The following ANK2 variants were observed in gnomAD, a reference collection of about 807,000 sequenced individuals.
The protein encoded by ANK2 is ankyrin 2.
In ANK2, 83 loss-of-function variants were observed where a neutral mutation model predicts 360.5. That is an observed-to-expected ratio of 0.23 (90% CI 0.19 to 0.28). The LOEUF is 0.28. ANK2 is among the 10% of genes least tolerant of loss of function. ANK2 has a pLI of 1.00. For synonymous variants in ANK2, 1,740 were observed against 1,759.5 expected (o/e 0.99, Z 0.28); for missense variants, 4,201 against 4,795.7 (o/e 0.88, Z 3.66).
Position 113,355,967 on chromosome 4 carries a change from A to C in ANK2, c.7349A>C (p.Lys2450Thr). The change falls in exon 38 of 46, where the codon AAA becomes ACA. Residue 2450 changes from lysine to threonine, a missense_variant. Physicochemically the swap from Lys to Thr is moderately conservative, Grantham distance 78. Around this residue, in one of 4 missense-constraint regions of ANK2, gnomAD observed 2,642 missense variants for 2,714.5 expected, o/e 0.97. Transcript: ENST00000357077. ...SPVLEDNSSH[K>T]TPDSLEPSPL... ...GTGCTAGAAGATAACTCTTCACACA[A>C]AACCCCTGATTCTCTGGAGCCAAGT... The C allele has an allele frequency of 6.2e-7, 1 of 1,614,120 alleles. No homozygotes were observed. Among genetic ancestry groups the C allele is most frequent in the East Asian group, 2.2e-5 (1 of 44,866 alleles).
At position 112,963,691 on chromosome 4, in the gene ANK2, T is replaced by C. The variant is rs991643366; in HGVS notation, c.21+59177T>C. Among the ~76,000 whole-genome samples the C allele has an allele frequency of 3.9e-5, 6 of 152,078 alleles. No individual in the cohort carries two copies. In the South Asian group the frequency reaches 6.2e-4, roughly 16 times the overall value. ...AGCATTTGCTAAATTCTTACATAGT[T>C]CCTTCAGGGAAAAATATAGGTTATA... On this transcript the variant is annotated intron_variant, in intron 2 of 30. Coordinates refer to the ANK2 transcript ENST00000503271.
chr4:113,255,157 A>G (rs1192592181), intron 10 of ANK2, among the ~76,000 whole-genome samples: 1 of 152,142 alleles, frequency 6.6e-6, no homozygotes, highest in African/African-American at 2.4e-5. Flanking sequence ...CATGGCCTAC[A>G]TTTGCCTCAC....
At chr4:112,823,413 A>G (rs1236291514) in intron 1 of ANK2, among the ~76,000 whole-genome samples, 1 of 152,228 alleles carries the variant, frequency 6.6e-6, no homozygotes, top group African/African-American at 2.4e-5. Flanking sequence ...GACATCTTCA[A>G]GGAACCCTCT....
chr4:112,878,155 C>CATTCATCTATCTATCTATCT (rs2075665560), intron 1 of ANK2, among the ~76,000 whole-genome samples: 1 of 147,532 alleles, frequency 6.8e-6, no homozygotes, highest in African/African-American at 2.6e-5. Flanking sequence ...ACTTTAGACT[C>CATTCATCTATCTATCTATCT]ATCTATCTAT....
the ANK2 span, among the ~76,000 whole-genome samples, chr4:112,783,911 A>T: frequency 6.6e-6 from 1 of 151,622 alleles, no homozygotes; most frequent in Non-Finnish European, 1.5e-5. Context: ...AGCCTCCCAA[A>T]GTGTTGGGAT....
In ANK2 at chr4:113,193,922, G is replaced by A. The variant is rs142889074; in HGVS notation, c.187-2446G>A. Among the ~76,000 whole-genome samples, 546 of 152,238 alleles carry A rather than the reference G, an allele frequency of 3.6e-3. 5 individuals are homozygous for A. In the Middle Eastern group the frequency reaches 0.037, roughly 10 times the overall value. ...TAAGTTAGTTGTACTTTTCTGATAT[G>A]CAAAAGACAGACTGTGAAACTCTTC... On this transcript the variant is annotated intron_variant, in intron 2 of 45. Coordinates refer to ENST00000357077, the MANE Select transcript of ANK2 (RefSeq NM_001148.6).
At chr4:113,140,066 C>A (rs1348439518) in intron 1 of ANK2, among the ~76,000 whole-genome samples, 1 of 152,038 alleles carries the variant, frequency 6.6e-6, no homozygotes, top group African/African-American at 2.4e-5. Context: ...ATAAACAGGG[C>A]CAATTTGTAA....
chr4:113,052,080 A>G (rs2154326272), intron 1 of ANK2, among the ~76,000 whole-genome samples: 1 of 152,298 alleles, frequency 6.6e-6, no homozygotes, highest in South Asian at 2.1e-4. Flanking sequence ...TTTTATCTCA[A>G]AAAATCATTG....
Position 113,230,915 on chromosome 4 carries a change from AAAT to A in ANK2, c.385-1243_385-1241del, listed in dbSNP as rs574484771. 7.2e-4 allele frequency among the ~76,000 whole-genome samples: 110 copies of A among 152,336 alleles called. 1 individual carries two copies. The South Asian group carries it at 8.3e-3, about 11-fold the overall frequency. ...TAGCCACCAGTGGCTGTATTTTAGT[AAAT>A]AACTGTGTAAGTGAATGTGAGAATG... is the stretch of plus-strand genomic sequence containing the variant. On this transcript the variant is annotated intron_variant, in intron 4 of 45. Transcript: ENST00000357077.
At chr4:113,197,017 G>C (rs1287231307) in intron 3 of ANK2, among the ~76,000 whole-genome samples, 2 of 152,310 alleles carry the variant, frequency 1.3e-5, no homozygotes, top group Middle Eastern at 3.4e-3. Flanking sequence ...TCGATTCACA[G>C]AGGATGAGAT....
the ANK2 span, among the ~76,000 whole-genome samples, chr4:112,777,443 G>A: frequency 6.6e-6 from 1 of 151,814 alleles, no homozygotes; most frequent in Non-Finnish European, 1.5e-5. Context: ...GGGTTTCACC[G>A]TGTTGGCCAG....
At chr4:113,178,565 C>T (rs929045430) in intron 2 of ANK2, among the ~76,000 whole-genome samples, 3 of 143,172 alleles carry the variant, frequency 2.1e-5, no homozygotes, top group African/African-American at 5.3e-5. Flanking sequence ...GAGTGAGACT[C>T]CATCTCAAAA....
chr4:113,216,305 A>C (rs921663446), intron 4 of ANK2, among the ~76,000 whole-genome samples: 2 of 152,220 alleles, frequency 1.3e-5, no homozygotes, highest in Non-Finnish European at 1.5e-5. Flanking sequence ...GACAATAAAC[A>C]CTTTCTCGAA....
intron 1 of ANK2, among the ~76,000 whole-genome samples, chr4:113,154,366 C>T (rs565519376): frequency 1.3e-5 from 2 of 152,296 alleles, no homozygotes; most frequent in South Asian, 4.1e-4. Context: ...GAAAATGTGT[C>T]CCCAAATTTT....
chr4:113,098,746 G>T (rs1449237095), intron 1 of ANK2, among the ~76,000 whole-genome samples: 1 of 151,888 alleles, frequency 6.6e-6, no homozygotes, highest in Non-Finnish European at 1.5e-5. Flanking sequence ...GAAAACTACA[G>T]ACCAATATCT....
chr4:113,209,183 G>A (rs2098990819), intron 4 of ANK2, among the ~76,000 whole-genome samples: 1 of 152,014 alleles, frequency 6.6e-6, no homozygotes, highest in Non-Finnish European at 1.5e-5. Flanking sequence ...GGCAAAACAA[G>A]TTATGGGAGG....
In ANK2 at chr4:113,339,211, A is replaced by C; in HGVS notation, c.3797-15A>C. ...GAGTTTTGCCTGATTTTTTTCAACA[A>C]TCATATTATTTCAGGTGGAACCACC... On this transcript the variant is annotated splice_polypyrimidine_tract_variant and intron_variant, in intron 31 of 45. Coordinates refer to ENST00000357077, the MANE Select transcript of ANK2 (RefSeq NM_001148.6). The C allele has an allele frequency of 6.2e-7, 1 of 1,602,596 alleles. No homozygotes were observed. The highest frequency in any genetic ancestry group is 8.5e-7 in the Non-Finnish European group (1 of 1,170,200).
chr4:113,325,148 A>G (rs1007376083), intron 26 of ANK2, among the ~76,000 whole-genome samples: 5 of 152,222 alleles, frequency 3.3e-5, no homozygotes, highest in Admixed American at 6.5e-5. Context: ...AAGAGATGCA[A>G]TTAAAGCTGA....
At chr4:113,072,128 A>G (rs980718644) in intron 1 of ANK2, among the ~76,000 whole-genome samples, 6 of 152,198 alleles carry the variant, frequency 3.9e-5, no homozygotes, top group Non-Finnish European at 7.3e-5. Flanking sequence ...CAGCCAAACC[A>G]TATCAGTAGG....
Sources: gnomAD v4.1 joint callset for allele counts (sites outside exome capture counted in the v4.1 genomes callset) on GRCh38, gnomAD v4.1.1 for gene constraint, gnomAD v4.1.1 regional missense constraint, MANE v1.5 for transcripts, NCBI Gene and HGNC (gene_info 2026-07-23, HGNC 2026-07-21) for gene names.